GEN1: variants seen among roughly 807,000 people sequenced by gnomAD.
The protein encoded by GEN1 is flap endonuclease GEN homolog 1.
Under a neutral mutation model 67.6 loss-of-function variants are expected in GEN1, and 64 were observed. The ratio of observed to expected loss-of-function variants is 0.95; its 90% CI spans 0.77 to 1.17. GEN1 has a LOEUF of 1.17. GEN1 is among the 50% of genes most tolerant of loss of function. The probability of loss-of-function intolerance (pLI) is 0.00; values close to 1 mark genes in which losing one functional copy is unlikely to be tolerated. For missense variants in GEN1, 1,058 were observed against 1,048.3 expected, an observed-to-expected ratio of 1.01 and a Z score of -0.13; for synonymous variants, 371 against 359.4, an observed-to-expected ratio of 1.03 and a Z score of -0.37.
At position 17,781,271 on chromosome 2, in the gene GEN1, G is replaced by A; in HGVS notation, c.2059G>A (p.Asp687Asn). The part of the protein sequence containing the change: ...RIFTKLSYPQ[D>N]NLQPDVNLKT... ...ATTTACAAAATTATCATATCCTCAG[G>A]ATAATCTACAACCAGATGTCAACCT... is the stretch of plus-strand genomic sequence containing the variant. Residue 687 changes from aspartate to asparagine, a missense_variant, in exon 14 of 14, where the codon GAT (aspartate) becomes AAT (asparagine). Physicochemically the swap from Asp to Asn is conservative, Grantham distance 23. Coordinates refer to ENST00000381254, the MANE Select transcript of GEN1 (RefSeq NM_001130009.3). 6.2e-7 allele frequency: 1 copy of A among 1,613,672 alleles called. No homozygotes were observed. Among genetic ancestry groups the A allele is most frequent in the Non-Finnish European group, 8.5e-7 (1 of 1,179,662 alleles).
Position 17,766,663 on chromosome 2 carries a change from C to G in GEN1, c.610C>G (p.Leu204Val). The change falls in exon 5 of 14, where the codon CTT (leucine) becomes GTT (valine). Residue 204 changes from leucine to valine, a missense_variant. Leu to Val is a conservative substitution (Grantham distance 32). Coordinates refer to ENST00000381254, the MANE Select transcript of GEN1 (RefSeq NM_001130009.3). The part of the protein sequence containing the change: ...DRDALVGLAI[L>V]LGCDYLPKGV... Reference sequence around the variant, plus strand: ...AGATGCTCTGGTTGGATTAGCAATACTTCTTGGCTGTGATTATCTCCCAAA... The same window carrying G: ...AGATGCTCTGGTTGGATTAGCAATAGTTCTTGGCTGTGATTATCTCCCAAA... The G allele has an allele frequency of 6.3e-7, 1 of 1,598,416 alleles. No individual in the cohort carries two copies.
At chr2:17,753,936 G>A (rs1279151351), upstream of GEN1, 1 of 152,488 alleles carries the variant, frequency 6.6e-6, no homozygotes, top group Non-Finnish European at 1.5e-5. Context: ...TGGTAGGCAC[G>A]GGCGGCTCCG....
At chr2:17,765,358 C>T (rs954359420) in intron 4 of GEN1, among the ~76,000 whole-genome samples, 1 of 152,186 alleles carries the variant, frequency 6.6e-6, no homozygotes, top group Non-Finnish European at 1.5e-5. Context: ...TGCTTTGATC[C>T]TGAATTTCCA....
rs1190270390 is a variant in GEN1 at position 17,778,290 on chromosome 2, ATG to A, written c.1264+235_1264+236del. Among the ~76,000 whole-genome samples the A allele has an allele frequency of 6.1e-3, 282 of 46,300 alleles. 72 individuals carry two copies. Among genetic ancestry groups the A allele is most frequent in the African/African-American group, 8.0e-3 (147 of 18,476 alleles). The allele number at this position is 46,300 out of a possible 152,430, so 30.4% of individuals were successfully genotyped here. On this transcript the variant is annotated intron_variant, in intron 12 of 13. Coordinates refer to ENST00000381254, the MANE Select transcript of GEN1 (RefSeq NM_001130009.3). ...TGTACATATATGTATATACACACAC[ATG>A]TGTGTGTACATATATGTATATACAC... is the stretch of plus-strand genomic sequence containing the variant.
At position 17,772,760 on chromosome 2, in the gene GEN1, G is replaced by T; in HGVS notation, c.929G>T (p.Ser310Ile). ...CGTACAGAACATGATAGGCAACTCAGTGAAGTAGAGAACAATATTAAGAAG... is the reference window on the plus strand; with the variant it reads ...CGTACAGAACATGATAGGCAACTCATTGAAGTAGAGAACAATATTAAGAAG... ...WHRTEHDRQL[S>I]EVENNIKKKA... Residue 310 changes from serine to isoleucine, a missense_variant, in exon 8 of 14, where the codon AGT (serine) becomes ATT (isoleucine). Coordinates refer to ENST00000381254, the MANE Select transcript of GEN1 (RefSeq NM_001130009.3). The T allele has an allele frequency of 1.2e-6, 2 of 1,611,310 alleles. No individual in the cohort carries two copies. The highest frequency in any genetic ancestry group is 3.3e-4 in the Middle Eastern group (2 of 6,040).
At position 17,772,641 on chromosome 2, in the gene GEN1, T is replaced by G; in HGVS notation, c.810T>G (p.Pro270=). The change falls in exon 8 of 14, where the codon CCT becomes CCG. Residue 270 remains proline (P), a synonymous_variant. Transcript: ENST00000381254. Reference sequence around the variant, plus strand: ...TTTTGGGTCTCCATAAAGGTTCACCTAAGGATCATGAACGTAATGGATGCA... The same window carrying G: ...TTTTGGGTCTCCATAAAGGTTCACCGAAGGATCATGAACGTAATGGATGCA... ...HCSVCSHPGS[P]KDHERNGCRL... is the part of the protein sequence containing the mutation. 14 of 1,608,858 alleles carry G rather than the reference T, an allele frequency of 8.7e-6. No individual in the cohort carries two copies. The highest frequency in any genetic ancestry group is 1.2e-5 in the Non-Finnish European group (14 of 1,177,722).
intron 12 of GEN1, among the ~76,000 whole-genome samples, 178 bp downstream of exon 12, chr2:17,778,241 C>T (rs879161903): frequency 3.9e-5 from 5 of 129,108 alleles, no homozygotes; most frequent in Admixed American, 7.9e-5. Flanking sequence ...TATGTGTGTA[C>T]ATATATGTAT....
chr2:17,780,507 AAAG>A lies in GEN1; in HGVS notation c.1409-113_1409-111del, dbSNP rs1017131001. 3.4e-5 allele frequency: 23 copies of A among 683,738 alleles called. No homozygotes were observed. In the Admixed American group the frequency reaches 6.0e-4, roughly 18 times the overall value. 42.4% of individuals were successfully genotyped at this position (683,738 alleles called of 1,614,324 possible). A position where few individuals can be genotyped will look rare whatever the true frequency, so the allele number is the denominator to read the frequency against. The stretch of plus-strand genomic sequence containing the variant: ...ATCTAGCAATGCACTGAGATCAAAA[AAAG>A]GCAGAAACTATTCATAGAGATTTCT... On this transcript the variant is annotated intron_variant, in intron 13 of 13. Transcript: ENST00000381254.
At position 17,780,970 on chromosome 2, in the gene GEN1, C is replaced by G; in HGVS notation, c.1758C>G (p.Ser586Arg). The part of the protein sequence containing the change: ...NISVIADLHL[S>R]TIDWEGTSFS... ...CCGTGATTGCTGATCTACACTTGAG[C>G]ACTATTGACTGGGAAGGTACTTCTT... Residue 586 changes from serine (S) to arginine (R), a missense_variant, in exon 14 of 14, where the codon AGC becomes AGG. By Grantham distance (110) the Ser-to-Arg change is moderately radical (BLOSUM62 -1). Coordinates refer to ENST00000381254, the MANE Select transcript of GEN1 (RefSeq NM_001130009.3). 6.2e-7 allele frequency: 1 copy of G among 1,613,298 alleles called. No individual in the cohort carries two copies. Among genetic ancestry groups the G allele is most frequent in the Non-Finnish European group, 8.5e-7 (1 of 1,179,350 alleles).
In GEN1 at chr2:17,775,549, G is replaced by A. The variant is rs763040961; in HGVS notation, c.1202+1148G>A. ...CCCAAGGCATATTGTAGACATCAACGATAAAAGGAATATTTTAAAAAGTAC... is the reference window on the plus strand; with the variant it reads ...CCCAAGGCATATTGTAGACATCAACAATAAAAGGAATATTTTAAAAAGTAC... On this transcript the variant is annotated intron_variant, in intron 11 of 13. Transcript: ENST00000381254. 5.5e-4 allele frequency among the ~76,000 whole-genome samples: 84 copies of A among 152,122 alleles called. 1 individual carries two copies. Among genetic ancestry groups the A allele is most frequent in the Non-Finnish European group, 1.0e-3 (71 of 68,004 alleles).
chr2:17,782,014 G>T lies in GEN1; in HGVS notation c.*75G>T. 2 of 769,636 alleles carry T rather than the reference G, an allele frequency of 2.6e-6. No individual in the cohort carries two copies. Among genetic ancestry groups the T allele is most frequent in the South Asian group, 4.5e-5 (2 of 44,628 alleles). The allele number at this position is 769,636 out of a possible 1,614,324, so 47.7% of individuals were successfully genotyped here. ...AGCAGAGACAGAGGGAAGGTATCTA[G>T]TTCATGTGTGGTAAAAATTTTAATG... On this transcript the variant is annotated 3_prime_UTR_variant, in exon 14 of 14. Coordinates refer to ENST00000381254, the MANE Select transcript of GEN1 (RefSeq NM_001130009.3).
At chr2:17,773,370 T>A (rs1420683813) in intron 10 of GEN1, 71 bp downstream of exon 10, 2 of 930,446 alleles carry the variant, frequency 2.1e-6, no homozygotes, top group East Asian at 5.1e-5. Flanking sequence ...ATATTCACTC[T>A]GATTGGTCTT....
At chr2:17,778,450 G>GTA in intron 12 of GEN1, among the ~76,000 whole-genome samples, 1 of 87,280 alleles carries the variant, frequency 1.1e-5, no homozygotes, top group African/African-American at 3.8e-5. Context: ...ACACATATAT[G>GTA]TGTGTACATA....
intron 1 of GEN1, among the ~76,000 whole-genome samples, chr2:17,755,992 GTTCT>G (rs2125113592): frequency 6.6e-6 from 1 of 152,244 alleles, no homozygotes; most frequent in South Asian, 2.1e-4. Context: ...GGAAATTTAT[GTTCT>G]TTCTATTATA....
chr2:17,781,754 A>G lies in GEN1; in HGVS notation c.2542A>G (p.Lys848Glu). Reference sequence around the variant, plus strand: ...GTTGAGTAGCCCTAAGATACATATTAAAGAAACTGAACAGTGTGTCAGATC... The same window carrying G: ...GTTGAGTAGCCCTAAGATACATATTGAAGAAACTGAACAGTGTGTCAGATC... ...NKLSSPKIHI[K>E]ETEQCVRSYE... Residue 848 changes from lysine (K) to glutamate (E), a missense_variant, in exon 14 of 14, where the codon AAA becomes GAA. Coordinates refer to ENST00000381254, the MANE Select transcript of GEN1 (RefSeq NM_001130009.3). 6.2e-7 allele frequency: 1 copy of G among 1,613,472 alleles called. No individual in the cohort carries two copies. Among genetic ancestry groups the G allele is most frequent in the Non-Finnish European group, 8.5e-7 (1 of 1,179,698 alleles).
At chr2:17,754,482 G>A (rs1671300294) in intron 1 of GEN1, 137 bp downstream of exon 1, 1 of 152,170 alleles carries the variant, frequency 6.6e-6, no homozygotes, top group Non-Finnish European at 1.5e-5. Context: ...GAATAAAGTA[G>A]GAAGTCCGAA....
chr2:17,755,111 A>G (rs1671353330), intron 1 of GEN1: 1 of 152,238 alleles, frequency 6.6e-6, no homozygotes, highest in Non-Finnish European at 1.5e-5. Flanking sequence ...TCTAAAAGTA[A>G]TCACATATAT....
chr2:17,760,001 C>G lies in GEN1; in HGVS notation c.58C>G (p.Arg20Gly), dbSNP rs778434447. ...GCCTGTTAAGCAACACATCCCCTTG[C>G]GTAATCTTGGTGGGAAAACCATTGC... ...LEPVKQHIPL[R>G]NLGGKTIAVD... The change falls in exon 2 of 14, where the codon CGT (arginine) becomes GGT (glycine). Residue 20 changes from arginine (R) to glycine (G), a missense_variant. By Grantham distance (125) the Arg-to-Gly change is moderately radical. Coordinates refer to ENST00000381254, the MANE Select transcript of GEN1 (RefSeq NM_001130009.3). 1 of 1,613,924 alleles carries G rather than the reference C, an allele frequency of 6.2e-7. No individual in the cohort carries two copies. The highest frequency in any genetic ancestry group is 8.5e-7 in the Non-Finnish European group (1 of 1,179,982).
chr2:17,784,065 T>C lies in GEN1; in HGVS notation c.*2126T>C, dbSNP rs1672964730. On this transcript the variant is annotated 3_prime_UTR_variant, in exon 14 of 14. Coordinates refer to ENST00000381254, the MANE Select transcript of GEN1 (RefSeq NM_001130009.3). ...GAAAGTGAAAAGACAGCTTACAGAA[T>C]GGGAGAAAATATTTGCAAATCATAA... The C allele has an allele frequency of 6.6e-6, 1 of 151,918 alleles. No homozygotes were observed. The highest frequency in any genetic ancestry group is 2.1e-4 in the South Asian group (1 of 4,800). 9.4% of individuals were successfully genotyped at this position (151,918 alleles called of 1,614,324 possible).
Sources: gnomAD v4.1 joint callset for allele counts (sites outside exome capture counted in the v4.1 genomes callset) on GRCh38, gnomAD v4.1.1 for gene constraint, MANE v1.5 for transcripts, NCBI Gene and HGNC (gene_info 2026-07-23, HGNC 2026-07-21) for gene names.